The following SLC35F3 variants were observed in gnomAD, a reference collection of about 807,000 sequenced individuals.
SLC35F3 encodes the protein solute carrier family 35 member F3, also known as putative thiamine transporter SLC35F3.
In SLC35F3, 25 loss-of-function variants were observed where a neutral mutation model predicts 49.9. The ratio of observed to expected loss-of-function variants is 0.50; its 90% confidence interval spans 0.37 to 0.70. The LOEUF (loss-of-function observed/expected upper bound fraction) is 0.70, where lower values mean the gene tolerates loss of function less well. Ranked by LOEUF, SLC35F3 falls within the 30% of genes least tolerant of loss-of-function variation. SLC35F3 has a pLI of 0.00. For synonymous variants in SLC35F3, 275 were observed against 265.4 expected, an observed-to-expected ratio of 1.04 and a Z score of -0.35; for missense variants, 525 against 639.8, an observed-to-expected ratio of 0.82 and a Z score of 1.94.
chr1:234,248,103 G>A (rs1667672171), intron 3 of SLC35F3, among the ~76,000 whole-genome samples: 1 of 152,230 alleles, frequency 6.6e-6, no homozygotes, highest in East Asian at 1.9e-4. Flanking sequence ...TGGGGGGCTG[G>A]TTGGCTGGTC....
At chr1:234,189,777 C>T (rs1346595760) in intron 2 of SLC35F3, among the ~76,000 whole-genome samples, 1 of 152,058 alleles carries the variant, frequency 6.6e-6, no homozygotes, top group Non-Finnish European at 1.5e-5. Flanking sequence ...TCAAGTTATC[C>T]AAAGTCAAGA....
chr1:234,119,809 T>C lies in SLC35F3; in HGVS notation c.284-111608T>C, dbSNP rs369219594. ...CTGAAAATAGCATAGTTGCCTATTA[T>C]ATAACAAATAGACTTCCATCACGCA... On this transcript the variant is annotated intron_variant, in intron 2 of 7. Coordinates refer to ENST00000366618, the MANE Select transcript of SLC35F3 (RefSeq NM_173508.4). 7.9e-4 allele frequency among the ~76,000 whole-genome samples: 120 copies of C among 152,350 alleles called. No individual in the cohort carries two copies. In the South Asian group the frequency reaches 0.023, roughly 29 times the overall value.
At chr1:234,285,095 A>T (rs972656841) in intron 3 of SLC35F3, 3 of 267,418 alleles carry the variant, frequency 1.1e-5, no homozygotes, top group Non-Finnish European at 2.2e-5. Flanking sequence ...AGCTGCATCA[A>T]TGTAGAACTC....
chr1:234,074,190 C>T (rs894108147), intron 2 of SLC35F3, among the ~76,000 whole-genome samples: 8 of 152,144 alleles, frequency 5.3e-5, no homozygotes, highest in African/African-American at 1.7e-4. Context: ...TTAAAATGTA[C>T]GTCAAGGTCA....
At chr1:234,031,913 T>C (rs1483908675) in intron 2 of SLC35F3, among the ~76,000 whole-genome samples, 1 of 152,226 alleles carries the variant, frequency 6.6e-6, no homozygotes, top group African/African-American at 2.4e-5. Flanking sequence ...TTAAAATTTA[T>C]GTATTATGGA....
At chr1:233,982,126 T>C (rs1319867085) in intron 2 of SLC35F3, among the ~76,000 whole-genome samples, 1 of 152,200 alleles carries the variant, frequency 6.6e-6, no homozygotes, top group Admixed American at 6.5e-5. Context: ...GGTTTTGCCA[T>C]GTTGGCCAGG....
At chr1:234,113,014 GC>G (rs1045449637) in intron 2 of SLC35F3, among the ~76,000 whole-genome samples, 13 of 151,798 alleles carry the variant, frequency 8.6e-5, no homozygotes, top group Non-Finnish European at 1.8e-4. Context: ...AGACCAATGA[GC>G]CCAGGAGTTC....
chr1:234,156,616 G>A (rs1395128217), intron 2 of SLC35F3, among the ~76,000 whole-genome samples: 1 of 152,156 alleles, frequency 6.6e-6, no homozygotes, highest in African/African-American at 2.4e-5. Flanking sequence ...GGCCTTAGGT[G>A]TATATTCAAG....
In SLC35F3 at chr1:234,066,412, G is replaced by C. The variant is rs529800581; in HGVS notation, c.283+160654G>C. 5.9e-5 allele frequency among the ~76,000 whole-genome samples: 9 copies of C among 152,086 alleles called. No homozygotes were observed. The South Asian group carries it at 1.9e-3, about 32-fold the overall frequency. ...TGCTCATTCTGCCCCAACTACGCTGGCCTCATTGCTGTTTCTGGATCCCAC... is the reference window on the plus strand; with the variant it reads ...TGCTCATTCTGCCCCAACTACGCTGCCCTCATTGCTGTTTCTGGATCCCAC... On this transcript the variant is annotated intron_variant, in intron 2 of 7. Coordinates refer to ENST00000366618, the MANE Select transcript of SLC35F3 (RefSeq NM_173508.4).
intron 2 of SLC35F3, among the ~76,000 whole-genome samples, chr1:234,061,138 T>C (rs12022568): frequency 0.2 from 30,220 of 152,146 alleles, 3,835 homozygotes; most frequent in East Asian, 0.42. Flanking sequence ...TTAGTACTTC[T>C]CGTAAGTCTT....
chr1:234,182,377 C>A (rs1558252725), intron 2 of SLC35F3, among the ~76,000 whole-genome samples: 1 of 152,126 alleles, frequency 6.6e-6, no homozygotes, highest in Non-Finnish European at 1.5e-5. Context: ...CTGGAATTAG[C>A]CATTTTTTAA....
intron 2 of SLC35F3, among the ~76,000 whole-genome samples, chr1:233,927,292 A>C (rs952224521): frequency 6.6e-6 from 1 of 152,158 alleles, no homozygotes; most frequent in African/African-American, 2.4e-5. Flanking sequence ...TGCTGGATTG[A>C]TCTCTGTAAT....
chr1:234,162,604 A>T (rs759705801), intron 2 of SLC35F3, among the ~76,000 whole-genome samples: 2 of 151,608 alleles, frequency 1.3e-5, no homozygotes, highest in African/African-American at 2.4e-5. Context: ...TCCCCAGCCC[A>T]GCCCCTCACA....
intron 2 of SLC35F3, among the ~76,000 whole-genome samples, chr1:234,147,919 G>A (rs1666022011): frequency 6.6e-6 from 1 of 152,250 alleles, no homozygotes; most frequent in South Asian, 2.1e-4. Flanking sequence ...CGGTGATGCA[G>A]ATGCTGTTGG....
At chr1:233,992,084 C>G (rs971043361) in intron 2 of SLC35F3, among the ~76,000 whole-genome samples, 1 of 152,168 alleles carries the variant, frequency 6.6e-6, no homozygotes, top group East Asian at 1.9e-4. Context: ...CCAACCCACA[C>G]GATGGTGAGC....
chr1:234,038,224 T>C (rs142902975), intron 2 of SLC35F3, among the ~76,000 whole-genome samples: 15,960 of 150,782 alleles, frequency 0.11, 1,308 homozygotes, highest in East Asian at 0.25. Context: ...TTTGGTTTTT[T>C]GTCCTTGCGA....
chr1:233,995,885 A>G (rs1937263), intron 2 of SLC35F3, among the ~76,000 whole-genome samples: 41,897 of 151,926 alleles, frequency 0.28, 6,023 homozygotes, highest in East Asian at 0.49. Context: ...CCCCCATTCT[A>G]GTATATTTTT....
intron 2 of SLC35F3, among the ~76,000 whole-genome samples, chr1:234,171,937 T>C (rs1297515422): frequency 6.6e-6 from 1 of 152,132 alleles, no homozygotes; most frequent in Non-Finnish European, 1.5e-5. Flanking sequence ...GACTGTGGAC[T>C]CAGTTATCCC....
intron 2 of SLC35F3, among the ~76,000 whole-genome samples, chr1:234,052,796 C>T (rs932599944): frequency 6.6e-6 from 1 of 152,220 alleles, no homozygotes; most frequent in African/African-American, 2.4e-5. Flanking sequence ...TTTCCCTCTA[C>T]ACACTGCTTT....
Sources: gnomAD v4.1 joint callset for allele counts (sites outside exome capture counted in the v4.1 genomes callset) on GRCh38, gnomAD v4.1.1 for gene constraint, MANE v1.5 for transcripts, NCBI Gene and HGNC (gene_info 2026-07-23, HGNC 2026-07-21) for gene names.